Variants in TMEM117 observed in about 807,000 individuals in gnomAD.
TMEM117 encodes the protein transmembrane protein 117.
TMEM117 carries 27 observed loss-of-function variants against 52.4 expected under a neutral mutation model. That is an observed-to-expected ratio of 0.51 (90% CI 0.38 to 0.71). TMEM117 has a LOEUF of 0.71. Ranked by LOEUF, TMEM117 falls within the 30% of genes least tolerant of loss-of-function variation. TMEM117 has a pLI of 0.00. For missense variants in TMEM117, 556 were observed against 630.5 expected (o/e 0.88, Z 1.26); for synonymous variants, 215 against 206.3 (o/e 1.04, Z -0.36).
chr12:43,874,335 C>G (rs939650515), intron 2 of TMEM117, among the ~76,000 whole-genome samples: 1 of 151,852 alleles, frequency 6.6e-6, no homozygotes, highest in African/African-American at 2.4e-5. Flanking sequence ...TAGCCCAGCA[C>G]TTTGGGAGGC....
At position 44,050,456 on chromosome 12, in the gene TMEM117, C is replaced by T. The variant is rs577093664; in HGVS notation, c.411-93069C>T. ...CCTCCCAAAGTGCTGGGATTACAGACATGAGACACTGTACCCGGCTAGAAT... is the reference window on the plus strand; with the variant it reads ...CCTCCCAAAGTGCTGGGATTACAGATATGAGACACTGTACCCGGCTAGAAT... On this transcript the variant is annotated intron_variant, in intron 3 of 7. Coordinates refer to ENST00000266534, the MANE Select transcript of TMEM117 (RefSeq NM_032256.3). Among the ~76,000 whole-genome samples, 34 of 152,332 alleles carry T rather than the reference C, an allele frequency of 2.2e-4. 2 individuals are homozygous for T. Among genetic ancestry groups the T allele is most frequent in the African/African-American group, 8.2e-4 (34 of 41,578 alleles).
chr12:44,184,754 G>T (rs1163566892), intron 4 of TMEM117, among the ~76,000 whole-genome samples: 1 of 151,990 alleles, frequency 6.6e-6, no homozygotes. Context: ...TGGCTTTTCT[G>T]GTTTTCTGTT....
At chr12:43,879,082 A>C (rs999589155) in intron 2 of TMEM117, among the ~76,000 whole-genome samples, 2 of 152,178 alleles carry the variant, frequency 1.3e-5, no homozygotes, top group African/African-American at 2.4e-5. Context: ...TGTTAATATT[A>C]TTTTTAATAT....
intron 6 of TMEM117, among the ~76,000 whole-genome samples, chr12:44,318,128 A>G (rs554561739): frequency 6.6e-6 from 1 of 152,308 alleles, no homozygotes; most frequent in African/African-American, 2.4e-5. Flanking sequence ...ACTGCACCAC[A>G]GTCTCTCCAC....
chr12:43,866,101 A>G (rs1453293619), intron 2 of TMEM117, among the ~76,000 whole-genome samples: 3 of 151,824 alleles, frequency 2.0e-5, no homozygotes, highest in Admixed American at 6.6e-5. Context: ...GAAAACCACC[A>G]ACAGTTTCAT....
intron 5 of TMEM117, among the ~76,000 whole-genome samples, chr12:44,216,090 T>C (rs1469125758): frequency 6.9e-6 from 1 of 145,940 alleles, no homozygotes; most frequent in African/African-American, 2.6e-5. Context: ...TCACTGCAAC[T>C]TGTGCCTCCT....
chr12:43,885,138 C>A (rs1233537845), intron 2 of TMEM117, among the ~76,000 whole-genome samples: 2 of 152,164 alleles, frequency 1.3e-5, no homozygotes, highest in African/African-American at 4.8e-5. Flanking sequence ...GGCAGCAAGC[C>A]AATAAACACT....
intron 4 of TMEM117, among the ~76,000 whole-genome samples, chr12:44,179,905 A>G (rs1949167868): frequency 1.3e-5 from 2 of 152,178 alleles, no homozygotes; most frequent in Non-Finnish European, 2.9e-5. Context: ...TGGTTGGCAG[A>G]TGGCTTTCTT....
chr12:43,893,741 T>A (rs1353136938), intron 2 of TMEM117, among the ~76,000 whole-genome samples: 1 of 152,238 alleles, frequency 6.6e-6, no homozygotes, highest in Non-Finnish European at 1.5e-5. Flanking sequence ...TTCACTTATC[T>A]ATTACTGCCT....
the TMEM117 span, among the ~76,000 whole-genome samples, chr12:43,801,822 G>A: frequency 6.6e-6 from 1 of 152,072 alleles, no homozygotes; most frequent in Non-Finnish European, 1.5e-5. Context: ...TTAAGGCCAC[G>A]AGTTTGAGAC....
At chr12:44,386,362 C>G (rs1384825461) in intron 7 of TMEM117, among the ~76,000 whole-genome samples, 1 of 152,114 alleles carries the variant, frequency 6.6e-6, no homozygotes, top group African/African-American at 2.4e-5. Flanking sequence ...GATATTTTAT[C>G]ATATCTGAGA....
chr12:43,963,069 GGTTTTTATTGCTTCA>G (rs1217482574), intron 3 of TMEM117, among the ~76,000 whole-genome samples: 3 of 151,498 alleles, frequency 2.0e-5, no homozygotes, highest in Non-Finnish European at 4.4e-5. Flanking sequence ...AAAAACAATT[GGTTTTTATTGCTTCA>G]GTATTGCCTC....
At chr12:43,999,210 A>G (rs7136217) in intron 3 of TMEM117, among the ~76,000 whole-genome samples, 15,361 of 152,178 alleles carry the variant, frequency 0.1, 1,275 homozygotes, top group African/African-American at 0.22. Flanking sequence ...CTTGATCTGG[A>G]TGATAATTAC....
chr12:44,105,605 T>C (rs1947938948), intron 3 of TMEM117, among the ~76,000 whole-genome samples: 1 of 151,994 alleles, frequency 6.6e-6, no homozygotes, highest in African/African-American at 2.4e-5. Flanking sequence ...AGGGGAAATG[T>C]TCTATAGCCC....
chr12:43,969,925 T>G (rs1945553389), intron 3 of TMEM117, among the ~76,000 whole-genome samples: 2 of 152,222 alleles, frequency 1.3e-5, no homozygotes, highest in African/African-American at 4.8e-5. Flanking sequence ...TAGCAGTATC[T>G]CCTTATCCCC....
intron 2 of TMEM117, among the ~76,000 whole-genome samples, chr12:43,875,988 A>G (rs997217873): frequency 1.3e-5 from 2 of 152,010 alleles, no homozygotes; most frequent in Non-Finnish European, 2.9e-5. Context: ...AAAATTGAAA[A>G]CCTTGTTGGG....
chr12:44,143,465 A>G (rs2138200185), intron 3 of TMEM117, 60 bp from the exon 4 acceptor site: 1 of 1,316,324 alleles, frequency 7.6e-7, no homozygotes. Context: ...GCTGAACCAG[A>G]AAGCCTTAAC....
the TMEM117 span, among the ~76,000 whole-genome samples, chr12:43,818,696 G>A: frequency 1.3e-5 from 2 of 152,088 alleles, no homozygotes; most frequent in African/African-American, 2.4e-5. Context: ...GACCGCCTTG[G>A]CTTCTCAAAG....
chr12:44,351,547 T>G (rs1227835080), intron 6 of TMEM117, among the ~76,000 whole-genome samples: 1 of 152,006 alleles, frequency 6.6e-6, no homozygotes, highest in African/African-American at 2.4e-5. Flanking sequence ...TAGTGAGAGA[T>G]AGGGTTCTAG....
Sources: gnomAD v4.1 joint callset for allele counts (sites outside exome capture counted in the v4.1 genomes callset) on GRCh38, gnomAD v4.1.1 for gene constraint, MANE v1.5 for transcripts, NCBI Gene and HGNC (gene_info 2026-07-23, HGNC 2026-07-21) for gene names.